The following SORCS1 variants were observed in gnomAD, a reference collection of about 807,000 sequenced individuals.
SORCS1 encodes the protein VPS10 domain-containing receptor SorCS1.
A neutral mutation model predicts 146.1 loss-of-function variants in SORCS1; 60 were observed. The observed-to-expected ratio is 0.41, with a 90% CI of 0.33 to 0.51. The LOEUF (loss-of-function observed/expected upper bound fraction) is 0.51. Among genes scored for constraint, SORCS1 ranks in the 20% least tolerant of loss-of-function variants. The pLI is 0.21. For synonymous variants in SORCS1, 637 were observed against 584.0 expected (o/e 1.09, Z -1.31); for missense variants, 1,352 against 1,487.6 (o/e 0.91, Z 1.50).
intron 5 of SORCS1, among the ~76,000 whole-genome samples, chr10:106,752,556 T>G (rs1282741212): frequency 6.6e-6 from 1 of 152,184 alleles, no homozygotes; most frequent in Non-Finnish European, 1.5e-5. Context: ...GAGTGGGTAG[T>G]AGGTCAGAAA....
At chr10:107,094,910 A>G (rs1590123227) in intron 1 of SORCS1, among the ~76,000 whole-genome samples, 1 of 152,170 alleles carries the variant, frequency 6.6e-6, no homozygotes. Context: ...AGCGTCATAG[A>G]CAGGTTTGAT....
chr10:106,850,459 G>A (rs1042642033), intron 2 of SORCS1, among the ~76,000 whole-genome samples: 8 of 152,020 alleles, frequency 5.3e-5, no homozygotes, highest in Admixed American at 6.5e-5. Flanking sequence ...CACGGTGCGC[G>A]CACTCACTGG....
intron 2 of SORCS1, among the ~76,000 whole-genome samples, chr10:106,920,082 CA>C (rs1952637149): frequency 6.6e-6 from 1 of 152,046 alleles, no homozygotes; most frequent in South Asian, 2.1e-4. Context: ...CATCACTTCC[CA>C]AAAAAGAAGC....
At chr10:106,890,302 T>C (rs1344054618) in intron 2 of SORCS1, among the ~76,000 whole-genome samples, 2 of 152,196 alleles carry the variant, frequency 1.3e-5, no homozygotes, top group Non-Finnish European at 2.9e-5. Context: ...TGAACCTTTT[T>C]TTCTATCTCT....
intron 1 of SORCS1, among the ~76,000 whole-genome samples, chr10:107,044,815 A>T (rs1429571079): frequency 1.9e-4 from 12 of 62,444 alleles, no homozygotes; most frequent in Admixed American, 1.0e-3. Flanking sequence ...GTGTCTCAAT[A>T]AAAAAAAAAA....
chr10:106,646,570 C>T (rs1335717595), intron 18 of SORCS1, among the ~76,000 whole-genome samples: 1 of 151,932 alleles, frequency 6.6e-6, no homozygotes, highest in Non-Finnish European at 1.5e-5. Context: ...GTGGCATGCC[C>T]CTGTAGTTCC....
intron 2 of SORCS1, among the ~76,000 whole-genome samples, chr10:106,835,423 A>G (rs968258930): frequency 1.3e-5 from 2 of 152,204 alleles, no homozygotes; most frequent in Non-Finnish European, 2.9e-5. Flanking sequence ...TTTGCTCAAT[A>G]CTTACTAAAA....
At chr10:107,024,605 C>G (rs879532877) in intron 1 of SORCS1, among the ~76,000 whole-genome samples, 5 of 152,142 alleles carry the variant, frequency 3.3e-5, no homozygotes, top group Non-Finnish European at 7.3e-5. Flanking sequence ...TTAATAAGAT[C>G]ACATGATTTG....
At chr10:106,716,595 T>A (rs1040854947) in intron 6 of SORCS1, among the ~76,000 whole-genome samples, 3 of 152,174 alleles carry the variant, frequency 2.0e-5, no homozygotes, top group Non-Finnish European at 4.4e-5. Flanking sequence ...CCTGGCTGAT[T>A]CCCTATGTTC....
chr10:106,586,012 C>G (rs955655303), intron 24 of SORCS1, among the ~76,000 whole-genome samples: 7 of 152,120 alleles, frequency 4.6e-5, no homozygotes, highest in African/African-American at 1.7e-4. Context: ...GACGCATAAG[C>G]AAAAATAAAT....
rs530344074 is a variant in SORCS1 at position 106,883,750 on chromosome 10, A to G, written c.627-54077T>C. ...AACCAATGGTCTTGGTTGTATATCT[A>G]TTGCCAGCTCTACTCATTTCTTTGA... On this transcript the variant is annotated intron_variant, in intron 2 of 25. Coordinates refer to ENST00000263054, the MANE Select transcript of SORCS1 (RefSeq NM_052918.5). 5.3e-5 allele frequency among the ~76,000 whole-genome samples: 8 copies of G among 152,186 alleles called. No individual in the cohort carries two copies. The East Asian group carries it at 1.4e-3, about 26-fold the overall frequency.
intron 1 of SORCS1, among the ~76,000 whole-genome samples, chr10:107,124,805 T>C (rs1481571943): frequency 6.6e-6 from 1 of 152,124 alleles, no homozygotes; most frequent in Non-Finnish European, 1.5e-5. Context: ...TAATTTTCTC[T>C]TTACAAAACT....
intron 1 of SORCS1, among the ~76,000 whole-genome samples, chr10:107,108,002 C>T (rs569360375): frequency 6.6e-5 from 10 of 152,294 alleles, no homozygotes; most frequent in South Asian, 2.1e-4. Flanking sequence ...TTCTCATCCA[C>T]GAACGCAGAG....
At chr10:106,655,962 C>T (rs1281611372) in intron 17 of SORCS1, among the ~76,000 whole-genome samples, 6 of 152,140 alleles carry the variant, frequency 3.9e-5, no homozygotes, top group Admixed American at 2.0e-4. Flanking sequence ...GTTGGACCTG[C>T]GCTCTGAATA....
chr10:106,605,391 G>A (rs556304163), intron 23 of SORCS1, among the ~76,000 whole-genome samples: 57 of 152,184 alleles, frequency 3.7e-4, no homozygotes, highest in Non-Finnish European at 6.8e-4. Flanking sequence ...CATGGAAAGT[G>A]TGAGAAATAA....
In SORCS1 at chr10:106,706,595, G is replaced by T. The variant is rs376036249; in HGVS notation, c.1183C>A (p.Arg395=). 4 of 1,614,008 alleles carry T rather than the reference G, an allele frequency of 2.5e-6. No homozygotes were observed. In the African/African-American group the frequency reaches 5.3e-5, roughly 22 times the overall value. The change falls in exon 8 of 26, where the codon CGA becomes AGA. Residue 395 remains arginine, a synonymous_variant. Transcript: ENST00000263054. ...GGRPHYYVSY[R]RNAFAQMKLP... ...TTCATTTGGGCAAATGCATTCCTTC[G>T]GTAGGACACGTAGTAATGTGGCCGC...
intron 14 of SORCS1, among the ~76,000 whole-genome samples, chr10:106,674,083 G>A (rs942244766): frequency 1.0e-4 from 15 of 150,278 alleles, no homozygotes; most frequent in African/African-American, 2.7e-4. Flanking sequence ...TTGGGAGGCC[G>A]AGGCAGGTGG....
chr10:106,750,578 A>G lies in SORCS1; in HGVS notation c.959+11010T>C, dbSNP rs185790288. On this transcript the variant is annotated intron_variant, in intron 5 of 25. Transcript: ENST00000263054. ...CCCCGTCTCTATTAAAAATACAAAA[A>G]ATTAGCCAGGCTTGGTGGCGGATGC... is the stretch of plus-strand genomic sequence containing the variant. Among the ~76,000 whole-genome samples the G allele has an allele frequency of 9.5e-3, 1,410 of 149,118 alleles. 13 individuals carry two copies. The highest frequency in any genetic ancestry group is 0.016 in the Non-Finnish European group (1,087 of 67,370).
At chr10:106,786,676 A>G (rs548719267) in intron 3 of SORCS1, among the ~76,000 whole-genome samples, 20 of 152,278 alleles carry the variant, frequency 1.3e-4, no homozygotes, top group Admixed American at 1.2e-3. Flanking sequence ...ACACGCACAC[A>G]CACACAAACA....
Sources: gnomAD v4.1 joint callset for allele counts (sites outside exome capture counted in the v4.1 genomes callset) on GRCh38, gnomAD v4.1.1 for gene constraint, MANE v1.5 for transcripts, NCBI Gene and HGNC (gene_info 2026-07-23, HGNC 2026-07-21) for gene names.